Variants in SPOCK1 observed in about 807,000 individuals in gnomAD.
SPOCK1 encodes SPARC (osteonectin), cwcv and kazal like domains proteoglycan 1.
SPOCK1 carries 23 observed loss-of-function variants against 55.3 expected under a neutral mutation model. The observed-to-expected ratio is 0.42, with a 90% CI of 0.30 to 0.59. SPOCK1 has a LOEUF of 0.59. Among genes scored for constraint, SPOCK1 ranks in the 20% least tolerant of loss-of-function variants. The pLI, the probability that SPOCK1 is intolerant of heterozygous loss-of-function variation, is 0.22. For missense variants in SPOCK1, 499 were observed against 552.5 expected, an observed-to-expected ratio of 0.90 and a Z score of 0.97; for synonymous variants, 226 against 221.0, an observed-to-expected ratio of 1.02 and a Z score of -0.20.
intron 5 of SPOCK1, among the ~76,000 whole-genome samples, chr5:137,074,056 C>G (rs2214568): frequency 0.87 from 131,639 of 152,128 alleles, 57,475 homozygotes; most frequent in South Asian, 0.94. Flanking sequence ...TTGAACCCGA[C>G]TCTATGCATT....
chr5:137,120,438 C>T (rs1244944868), intron 4 of SPOCK1, among the ~76,000 whole-genome samples: 1 of 152,200 alleles, frequency 6.6e-6, no homozygotes, highest in African/African-American at 2.4e-5. Flanking sequence ...GAACTCTAGA[C>T]TGTGGTTCAT....
chr5:137,355,433 C>T (rs899962000), intron 2 of SPOCK1, among the ~76,000 whole-genome samples: 48 of 152,184 alleles, frequency 3.2e-4, no homozygotes, highest in African/African-American at 1.1e-3. Flanking sequence ...AAGTGATCCT[C>T]CCACCTCAGC....
At chr5:137,185,028 G>C (rs970590511) in intron 3 of SPOCK1, among the ~76,000 whole-genome samples, 1 of 152,168 alleles carries the variant, frequency 6.6e-6, no homozygotes, top group Non-Finnish European at 1.5e-5. Flanking sequence ...TGTCTGTCTT[G>C]TTGACCACTG....
intron 3 of SPOCK1, among the ~76,000 whole-genome samples, chr5:137,246,958 G>C (rs1352647534): frequency 6.6e-6 from 1 of 152,112 alleles, no homozygotes; most frequent in Non-Finnish European, 1.5e-5. Context: ...AATCTCCGCG[G>C]GTGGAGCCCA....
chr5:137,071,263 G>T (rs1255773937), intron 5 of SPOCK1, among the ~76,000 whole-genome samples: 1 of 152,072 alleles, frequency 6.6e-6, no homozygotes, highest in Non-Finnish European at 1.5e-5. Context: ...CGAAATGCTA[G>T]AATTACAGGC....
intron 2 of SPOCK1, among the ~76,000 whole-genome samples, chr5:137,319,761 A>C (rs994633884): frequency 1.3e-5 from 2 of 151,608 alleles, no homozygotes; most frequent in East Asian, 3.9e-4. Flanking sequence ...CTGGCTAACA[A>C]GGTGAAACCC....
At chr5:137,405,223 A>G (rs578169768) in intron 2 of SPOCK1, among the ~76,000 whole-genome samples, 1 of 152,358 alleles carries the variant, frequency 6.6e-6, no homozygotes, top group Admixed American at 6.5e-5. Context: ...AGGTCAAGAA[A>G]GTGAAATCAA....
At chr5:137,160,574 T>C (rs1220583564) in intron 3 of SPOCK1, among the ~76,000 whole-genome samples, 3 of 59,716 alleles carry the variant, frequency 5.0e-5, no homozygotes, top group Non-Finnish European at 9.3e-5. Flanking sequence ...TTATATATTA[T>C]ATAATATATA....
At chr5:137,449,711 G>A (rs1753208646) in intron 2 of SPOCK1, among the ~76,000 whole-genome samples, 1 of 151,264 alleles carries the variant, frequency 6.6e-6, no homozygotes, top group African/African-American at 2.4e-5. Context: ...TATCACAGTG[G>A]AACCCCATCT....
intron 3 of SPOCK1, among the ~76,000 whole-genome samples, chr5:137,239,614 A>G (rs1008018915): frequency 1.3e-5 from 2 of 152,160 alleles, no homozygotes; most frequent in East Asian, 3.9e-4. Flanking sequence ...GTCAGAATTG[A>G]ACTGAATTGG....
intron 2 of SPOCK1, among the ~76,000 whole-genome samples, chr5:137,315,065 C>T (rs1355770339): frequency 1.3e-5 from 2 of 152,172 alleles, no homozygotes; most frequent in Non-Finnish European, 2.9e-5. Context: ...CACCTGTCTG[C>T]TTACCCCTGC....
At chr5:137,252,271 T>A (rs1756548213) in intron 3 of SPOCK1, among the ~76,000 whole-genome samples, 1 of 152,218 alleles carries the variant, frequency 6.6e-6, no homozygotes, top group Non-Finnish European at 1.5e-5. Flanking sequence ...CCCCATGCTA[T>A]CTGGAAATTT....
intron 2 of SPOCK1, among the ~76,000 whole-genome samples, chr5:137,315,410 A>G (rs959142677): frequency 6.6e-6 from 1 of 152,224 alleles, no homozygotes; most frequent in South Asian, 2.1e-4. Context: ...CTTTTGATGA[A>G]TAACTTAGCA....
intron 9 of SPOCK1, 111 bp from the exon 10 acceptor site, chr5:136,979,580 T>TGACC: frequency 4.4e-6 from 6 of 1,374,546 alleles, no homozygotes; most frequent in African/African-American, 1.4e-5. Context: ...TGCTGCAGGG[T>TGACC]CAGCAGCAGA....
At chr5:137,202,733 T>C (rs1755448938) in intron 3 of SPOCK1, among the ~76,000 whole-genome samples, 2 of 152,222 alleles carry the variant, frequency 1.3e-5, no homozygotes, top group African/African-American at 2.4e-5. Flanking sequence ...AAGCATTCTT[T>C]TCCTGGAATT....
Position 137,434,220 on chromosome 5 carries a change from A to T in SPOCK1, c.186+64153T>A, listed in dbSNP as rs142856039. ...CCAAATAGGCAGTGAGTAATGATCT[A>T]TCTTTCTTCCTCAGCTGTCATTTGG... On this transcript the variant is annotated intron_variant, in intron 2 of 10. Transcript: ENST00000394945. Among the ~76,000 whole-genome samples, 1,195 of 152,168 alleles carry T rather than the reference A, an allele frequency of 7.9e-3. 11 individuals carry two copies. The highest frequency in any genetic ancestry group is 0.027 in the African/African-American group (1,142 of 41,536).
At chr5:137,424,596 G>A (rs1752568934) in intron 2 of SPOCK1, among the ~76,000 whole-genome samples, 1 of 152,064 alleles carries the variant, frequency 6.6e-6, no homozygotes, top group Non-Finnish European at 1.5e-5. Context: ...GTCTCAAGCT[G>A]GAAACAATCC....
chr5:137,098,365 T>C (rs1052629736), intron 5 of SPOCK1, among the ~76,000 whole-genome samples: 1 of 152,208 alleles, frequency 6.6e-6, no homozygotes, highest in Non-Finnish European at 1.5e-5. Flanking sequence ...TGTGAAACTA[T>C]CTACATTTAC....
intron 3 of SPOCK1, among the ~76,000 whole-genome samples, chr5:137,214,792 G>A (rs998516707): frequency 6.6e-6 from 1 of 152,174 alleles, no homozygotes; most frequent in African/African-American, 2.4e-5. Flanking sequence ...ACCTGAATGA[G>A]TAGAGATGAC....
Sources: allele counts gnomAD v4.1 joint callset (sites outside exome capture counted in the v4.1 genomes callset), GRCh38; gene constraint gnomAD v4.1.1; transcripts MANE v1.5; gene names NCBI Gene and HGNC (gene_info 2026-07-23, HGNC 2026-07-21).